LARGE1: variants seen among roughly 807,000 people sequenced by gnomAD.
LARGE1 encodes LARGE xylosyl- and glucuronyltransferase 1.
Under a neutral mutation model 87.6 loss-of-function variants are expected in LARGE1, and 43 were observed. That is an observed-to-expected ratio of 0.49 (90% confidence interval 0.38 to 0.63). The LOEUF is 0.63. LARGE1 is among the 30% of genes least tolerant of loss of function. The probability of loss-of-function intolerance (pLI) is 0.00; values close to 1 mark genes in which losing one functional copy is unlikely to be tolerated. For synonymous variants in LARGE1, 434 were observed against 394.6 expected (o/e 1.10, Z -1.18); for missense variants, 802 against 1,000.2 (o/e 0.80, Z 2.67).
intron 1 of LARGE1, among the ~76,000 whole-genome samples, chr22:33,772,045 C>T (rs893004057): frequency 2.6e-5 from 4 of 152,176 alleles, no homozygotes; most frequent in Non-Finnish European, 5.9e-5. Context: ...TGAAATTACT[C>T]AGTGTTGGCC....
At chr22:33,104,949 C>T in the LARGE1 span, among the ~76,000 whole-genome samples, 2 of 111,396 alleles carry the variant, frequency 1.8e-5, no homozygotes, top group Admixed American at 9.2e-5. Flanking sequence ...CTTTCTTTCT[C>T]TTTCTCTCTT....
intron 12 of LARGE1, among the ~76,000 whole-genome samples, chr22:33,292,031 T>C (rs1335954672): frequency 6.6e-6 from 1 of 151,552 alleles, no homozygotes; most frequent in African/African-American, 2.4e-5. Context: ...GAGGCGGAGG[T>C]TGCAATGAGC....
At chr22:33,268,491 G>A (rs1021870419), downstream of LARGE1, among the ~76,000 whole-genome samples, 3 of 147,826 alleles carry the variant, frequency 2.0e-5, no homozygotes, top group South Asian at 2.2e-4. Flanking sequence ...TGCATGGCGC[G>A]ATCTTGGCTC....
chr22:33,071,910 G>A, the LARGE1 span, among the ~76,000 whole-genome samples: 4 of 152,118 alleles, frequency 2.6e-5, no homozygotes, highest in African/African-American at 4.8e-5. Flanking sequence ...CTCTTCCCAC[G>A]TGGGGCTATC....
chr22:33,105,083 C>T, the LARGE1 span, among the ~76,000 whole-genome samples: 18 of 151,760 alleles, frequency 1.2e-4, no homozygotes, highest in Admixed American at 7.9e-4. Context: ...CCACAATCTC[C>T]GACTCCTGGG....
chr22:33,083,743 A>G, the LARGE1 span, among the ~76,000 whole-genome samples: 1 of 152,230 alleles, frequency 6.6e-6, no homozygotes, highest in African/African-American at 2.4e-5. Context: ...CACACAATGT[A>G]AGAGGTCATC....
intron 11 of LARGE1, among the ~76,000 whole-genome samples, chr22:33,223,321 C>T (rs1044937257): frequency 6.6e-6 from 1 of 152,168 alleles, no homozygotes; most frequent in Non-Finnish European, 1.5e-5. Flanking sequence ...TTAAAAAAAC[C>T]GTGATACCTC....
chr22:33,657,144 G>A (rs1190413712), intron 2 of LARGE1: 1 of 152,228 alleles, frequency 6.6e-6, no homozygotes, highest in Non-Finnish European at 1.5e-5. Flanking sequence ...AGGGGGCTCA[G>A]ACCCTTTCAG....
At chr22:33,412,504 G>A (rs1035541506) in intron 7 of LARGE1, among the ~76,000 whole-genome samples, 3 of 152,042 alleles carry the variant, frequency 2.0e-5, no homozygotes, top group Admixed American at 6.6e-5. Context: ...TGGCATTCCC[G>A]CCATACAGAC....
intron 6 of LARGE1, among the ~76,000 whole-genome samples, chr22:33,496,892 ATTGT>A (rs3071568): frequency 0.53 from 80,232 of 151,188 alleles, 21,789 homozygotes; most frequent in Non-Finnish European, 0.59. Context: ...TAAATTCAAC[ATTGT>A]TTGGTTTATC....
intron 6 of LARGE1, among the ~76,000 whole-genome samples, chr22:33,528,682 G>T (rs1460863060): frequency 1.3e-5 from 2 of 152,132 alleles, no homozygotes; most frequent in African/African-American, 4.8e-5. Context: ...GAGAGGGCTG[G>T]TTTTTGTCAA....
chr22:33,231,473 G>A (rs191941827), intron 11 of LARGE1, among the ~76,000 whole-genome samples: 1 of 152,204 alleles, frequency 6.6e-6, no homozygotes, highest in East Asian at 1.9e-4. Flanking sequence ...AAATTGAAAT[G>A]TGTTTGATAC....
intron 4 of LARGE1, among the ~76,000 whole-genome samples, chr22:33,622,890 A>G (rs985361516): frequency 2.6e-5 from 4 of 152,212 alleles, no homozygotes; most frequent in Admixed American, 2.6e-4. Context: ...AGCTAATAAT[A>G]TTACTACCGC....
intron 3 of LARGE1, among the ~76,000 whole-genome samples, chr22:33,628,612 C>T (rs1382941862): frequency 6.6e-6 from 1 of 152,088 alleles, no homozygotes; most frequent in East Asian, 1.9e-4. Context: ...CATCGCACCC[C>T]GCCTAGAATA....
At chr22:33,157,624 T>A (rs536864383), downstream of LARGE1, among the ~76,000 whole-genome samples, 12 of 152,338 alleles carry the variant, frequency 7.9e-5, no homozygotes, top group East Asian at 2.3e-3. Context: ...TCCATACCAC[T>A]ATCAACAATG....
chr22:33,323,745 T>C (rs1002189451), intron 10 of LARGE1, among the ~76,000 whole-genome samples: 4 of 152,260 alleles, frequency 2.6e-5, no homozygotes, highest in Admixed American at 6.5e-5. Context: ...TTTTCTGTAG[T>C]TAACTAATTC....
chr22:33,798,656 G>C (rs2086062990), intron 1 of LARGE1, among the ~76,000 whole-genome samples: 1 of 152,134 alleles, frequency 6.6e-6, no homozygotes, highest in African/African-American at 2.4e-5. Flanking sequence ...GTTTTTCAAA[G>C]ATATGATCTG....
intron 11 of LARGE1, among the ~76,000 whole-genome samples, chr22:33,232,116 T>C (rs1360802834): frequency 6.6e-6 from 1 of 152,208 alleles, no homozygotes; most frequent in Admixed American, 6.5e-5. Flanking sequence ...GCATTTTCAC[T>C]TTACCAGTCT....
chr22:33,135,046 C>T, the LARGE1 span, among the ~76,000 whole-genome samples: 2 of 152,190 alleles, frequency 1.3e-5, no homozygotes, highest in East Asian at 3.8e-4. Flanking sequence ...AGGAGAAGAG[C>T]AGGATTGAAC....
Sources: gnomAD v4.1 joint callset for allele counts (sites outside exome capture counted in the v4.1 genomes callset) on GRCh38, gnomAD v4.1.1 for gene constraint, MANE v1.5 for transcripts, NCBI Gene and HGNC (gene_info 2026-07-23, HGNC 2026-07-21) for gene names.